IMMP2L: variants seen among roughly 807,000 people sequenced by gnomAD.
The protein encoded by IMMP2L is mitochondrial inner membrane protease subunit 2.
A neutral mutation model predicts 19.3 loss-of-function variants in IMMP2L; 18 were observed. The observed-to-expected ratio is 0.93, with a 90% CI of 0.64 to 1.38. The LOEUF is 1.38. Ranked by LOEUF, IMMP2L falls within the 40% of genes most tolerant of loss-of-function variation. The probability of loss-of-function intolerance (pLI) is 0.00; values close to 1 mark genes in which losing one functional copy is unlikely to be tolerated. For missense variants in IMMP2L, 233 were observed against 218.2 expected (o/e 1.07, Z -0.43); for synonymous variants, 76 against 73.0 (o/e 1.04, Z -0.21).
At chr7:110,965,725 G>T (rs1396849264) in intron 3 of IMMP2L, among the ~76,000 whole-genome samples, 1 of 151,820 alleles carries the variant, frequency 6.6e-6, no homozygotes, top group Non-Finnish European at 1.5e-5. Flanking sequence ...AGCCTCAGTG[G>T]TCATCAAATA....
At chr7:111,074,235 C>G (rs1411956748) in intron 3 of IMMP2L, among the ~76,000 whole-genome samples, 1 of 152,132 alleles carries the variant, frequency 6.6e-6, no homozygotes, top group Non-Finnish European at 1.5e-5. Flanking sequence ...AATAAGAAAC[C>G]TAGTTTATTC....
rs539797478 is a variant in IMMP2L at position 111,291,393 on chromosome 7, T to C, written c.239+195845A>G. Among the ~76,000 whole-genome samples the C allele has an allele frequency of 6.6e-5, 10 of 152,284 alleles. 1 individual carries two copies. The highest frequency in any genetic ancestry group is 5.9e-4 in the Admixed American group (9 of 15,288). ...GGAGTTCTACCAAACTGAATGAGTC[T>C]CCTAATTACAACATTAAAATACCTA... On this transcript the variant is annotated intron_variant, in intron 3 of 5. Coordinates refer to ENST00000405709, the MANE Select transcript of IMMP2L (RefSeq NM_032549.4).
chr7:111,466,680 G>A (rs966149143), intron 3 of IMMP2L, among the ~76,000 whole-genome samples: 5 of 152,092 alleles, frequency 3.3e-5, no homozygotes, highest in African/African-American at 4.8e-5. Flanking sequence ...AGAAATAAGA[G>A]TACAGTAGGC....
intron 5 of IMMP2L, among the ~76,000 whole-genome samples, chr7:110,761,560 T>C (rs1240504086): frequency 6.6e-6 from 1 of 152,158 alleles, no homozygotes; most frequent in Non-Finnish European, 1.5e-5. Context: ...ATCAAGTACC[T>C]CTCAGGAGAT....
chr7:111,152,958 C>T (rs990307706), intron 3 of IMMP2L, among the ~76,000 whole-genome samples: 1 of 151,870 alleles, frequency 6.6e-6, no homozygotes, highest in African/African-American at 2.4e-5. Context: ...GGATAAATAT[C>T]AAGACTCAAT....
At chr7:111,125,908 C>T (rs1001930290) in intron 3 of IMMP2L, among the ~76,000 whole-genome samples, 10 of 150,316 alleles carry the variant, frequency 6.7e-5, no homozygotes, top group East Asian at 3.9e-4. Flanking sequence ...CTGCAGACTC[C>T]GCTTCCCAGG....
intron 2 of IMMP2L, among the ~76,000 whole-genome samples, chr7:111,490,097 C>CT (rs80065502): frequency 0.07 from 8,942 of 127,816 alleles, 411 homozygotes; most frequent in African/African-American, 0.099. Context: ...CGCCTGCCCT[C>CT]TTTTTTTTTT....
At chr7:111,188,810 C>T (rs769440530) in intron 3 of IMMP2L, among the ~76,000 whole-genome samples, 1 of 152,098 alleles carries the variant, frequency 6.6e-6, no homozygotes, top group Non-Finnish European at 1.5e-5. Context: ...AAAGTAGTGT[C>T]ATTACTCATA....
rs1253301389 is a variant in IMMP2L, at chr7:111,486,887, T to C, written c.239+351A>G. Among the ~76,000 whole-genome samples, 7 of 152,140 alleles carry C rather than the reference T, an allele frequency of 4.6e-5. 1 individual carries two copies. Among genetic ancestry groups the C allele is most frequent in the Non-Finnish European group, 5.9e-5 (4 of 67,992 alleles). On this transcript the variant is annotated intron_variant, in intron 3 of 5. Coordinates refer to ENST00000405709, the MANE Select transcript of IMMP2L (RefSeq NM_032549.4). ...CCTTCTAGGAATACTTTTTAATCTATACAAACCAAGAAAACATTGGGGTAA... is the reference window on the plus strand; with the variant it reads ...CCTTCTAGGAATACTTTTTAATCTACACAAACCAAGAAAACATTGGGGTAA...
intron 3 of IMMP2L, among the ~76,000 whole-genome samples, chr7:111,411,090 T>TAAAAAAAAAAAAAAAAAGAA (rs1834370957): frequency 1.3e-5 from 1 of 78,874 alleles, no homozygotes; most frequent in Admixed American, 1.3e-4. Context: ...ATCAAATTGC[T>TAAAAAAAAAAAAAAAAAGAA]AAAAAAAAAA....
intron 5 of IMMP2L, among the ~76,000 whole-genome samples, chr7:110,755,410 A>G (rs1007216043): frequency 6.6e-6 from 1 of 152,154 alleles, no homozygotes; most frequent in Non-Finnish European, 1.5e-5. Context: ...AATACTTTTT[A>G]AAACTTAAGT....
At chr7:111,560,003 T>G (rs1375856759) in intron 1 of IMMP2L, among the ~76,000 whole-genome samples, 1 of 142,478 alleles carries the variant, frequency 7.0e-6, no homozygotes, top group African/African-American at 2.5e-5. Flanking sequence ...CAAATAACAG[T>G]GAAATATATA....
rs79558992 is a variant in IMMP2L, at chr7:111,411,481, C to T, written c.239+75757G>A. Reference sequence around the variant, plus strand: ...ACCTGAACGAAGTCACGGGCAAGCACGGCATGGGCTGTATTGACATTATGG... The same window carrying T: ...ACCTGAACGAAGTCACGGGCAAGCATGGCATGGGCTGTATTGACATTATGG... On this transcript the variant is annotated intron_variant, in intron 3 of 5. Transcript: ENST00000405709. 2,193 of 475,368 alleles carry T rather than the reference C, an allele frequency of 4.6e-3. 98 individuals are homozygous for T. The highest frequency in any genetic ancestry group is 0.037 in the African/African-American group (1,831 of 49,874). 29.4% of individuals were successfully genotyped at this position (475,368 alleles called of 1,614,324 possible).
At chr7:111,059,902 A>T (rs991505135) in intron 3 of IMMP2L, among the ~76,000 whole-genome samples, 1 of 149,830 alleles carries the variant, frequency 6.7e-6, no homozygotes, top group Non-Finnish European at 1.5e-5. Context: ...GTAATAACTT[A>T]AAAATTATAT....
intron 5 of IMMP2L, among the ~76,000 whole-genome samples, chr7:110,730,758 C>G (rs986007775): frequency 6.6e-6 from 1 of 152,152 alleles, no homozygotes; most frequent in Admixed American, 6.5e-5. Flanking sequence ...ATCTCCTGAC[C>G]TCGTGATCCA....
At chr7:110,945,727 A>C (rs1459708671) in intron 4 of IMMP2L, among the ~76,000 whole-genome samples, 1 of 150,844 alleles carries the variant, frequency 6.6e-6, no homozygotes, top group Non-Finnish European at 1.5e-5. Flanking sequence ...GTAATCACGG[A>C]GAGGTCAGAG....
At chr7:111,030,063 T>C (rs1827242937) in intron 3 of IMMP2L, among the ~76,000 whole-genome samples, 1 of 152,176 alleles carries the variant, frequency 6.6e-6, no homozygotes, top group South Asian at 2.1e-4. Context: ...AGCCAGACTG[T>C]AGCTCATTCC....
intron 3 of IMMP2L, among the ~76,000 whole-genome samples, chr7:111,451,004 C>A (rs567563751): frequency 1.3e-4 from 20 of 151,078 alleles, no homozygotes; most frequent in East Asian, 1.2e-3. Context: ...TCAAAACCAC[C>A]ATGAGATATC....
intron 5 of IMMP2L, among the ~76,000 whole-genome samples, chr7:110,842,212 G>A (rs1340231640): frequency 6.6e-6 from 1 of 152,090 alleles, no homozygotes; most frequent in Non-Finnish European, 1.5e-5. Context: ...TGCTGAACAG[G>A]GAGAACAGGA....
Sources: allele counts gnomAD v4.1 joint callset (sites outside exome capture counted in the v4.1 genomes callset), GRCh38; gene constraint gnomAD v4.1.1; transcripts MANE v1.5; gene names NCBI Gene and HGNC (gene_info 2026-07-23, HGNC 2026-07-21).